The following CD38 variants were observed in gnomAD, a reference collection of about 807,000 sequenced individuals.
CD38 encodes the protein CD38 molecule, also known as ADP-ribosyl cyclase/cyclic ADP-ribose hydrolase 1.
A neutral mutation model predicts 36.3 loss-of-function variants in CD38; 31 were observed. The ratio of observed to expected loss-of-function variants is 0.85; its 90% CI spans 0.64 to 1.15. CD38 has a LOEUF of 1.15. Ranked by LOEUF, CD38 falls within the 50% of genes most tolerant of loss-of-function variation. The pLI, the probability that CD38 is intolerant of heterozygous loss-of-function variation, is 0.00. For synonymous variants in CD38, 131 were observed against 135.2 expected, an observed-to-expected ratio of 0.97 and a Z score of 0.22; for missense variants, 380 against 371.9, an observed-to-expected ratio of 1.02 and a Z score of -0.18.
intron 1 of CD38, among the ~76,000 whole-genome samples, chr4:15,785,337 G>A (rs1297681147): frequency 1.3e-5 from 2 of 152,138 alleles, no homozygotes; most frequent in Non-Finnish European, 2.9e-5. Context: ...TGGATGAAAA[G>A]GCTCAGTGGG....
At chr4:15,807,817 T>G (rs924906521) in intron 1 of CD38, among the ~76,000 whole-genome samples, 5 of 152,208 alleles carry the variant, frequency 3.3e-5, no homozygotes, top group Non-Finnish European at 5.9e-5. Context: ...TGTCCTTGAT[T>G]AAAGGATTAT....
rs34989864 is a variant in CD38, at chr4:15,785,539, C to CT, written c.233+6903dup. On this transcript the variant is annotated intron_variant, in intron 1 of 7. Coordinates refer to ENST00000226279, the MANE Select transcript of CD38 (RefSeq NM_001775.4). ...GTTCAGCCTGGAGAACGTTCCTTTT[C>CT]TTTTTTTTTTTATCACAATAAACAC... Among the ~76,000 whole-genome samples, 617 of 147,838 alleles carry CT rather than the reference C, an allele frequency of 4.2e-3. 4 individuals are homozygous for CT. Among genetic ancestry groups the CT allele is most frequent in the East Asian group, 0.019 (94 of 5,040 alleles).
intron 7 of CD38, among the ~76,000 whole-genome samples, chr4:15,848,053 A>C (rs1724301173): frequency 6.6e-6 from 1 of 152,098 alleles, no homozygotes; most frequent in South Asian, 2.1e-4. Flanking sequence ...AGCAAAATCA[A>C]ATTTAAAGAA....
At chr4:15,837,461 A>G (rs1255782392) in intron 4 of CD38, among the ~76,000 whole-genome samples, 2 of 152,190 alleles carry the variant, frequency 1.3e-5, no homozygotes, top group African/African-American at 4.8e-5. Context: ...GACTTGAGCT[A>G]GTCCCAGGGG....
At chr4:15,786,712 C>T (rs1167353546) in intron 1 of CD38, among the ~76,000 whole-genome samples, 6 of 152,248 alleles carry the variant, frequency 3.9e-5, no homozygotes, top group African/African-American at 1.4e-4. Flanking sequence ...GAGCTGCCTG[C>T]CAGTCACCTG....
intron 3 of CD38, among the ~76,000 whole-genome samples, chr4:15,826,753 A>G (rs1723859852): frequency 6.9e-6 from 1 of 145,236 alleles, no homozygotes; most frequent in Non-Finnish European, 1.5e-5. Context: ...TTTACACTAA[A>G]AAAAGAAAAA....
chr4:15,817,579 C>T (rs142621940), intron 2 of CD38, among the ~76,000 whole-genome samples: 504 of 152,248 alleles, frequency 3.3e-3, no homozygotes, highest in Non-Finnish European at 5.1e-3. Flanking sequence ...CCCTAGCACC[C>T]CATTAGTTTA....
intron 1 of CD38, among the ~76,000 whole-genome samples, chr4:15,783,923 G>A (rs1281778478): frequency 1.3e-5 from 2 of 152,182 alleles, no homozygotes; most frequent in Non-Finnish European, 2.9e-5. Flanking sequence ...GCAAATTTAT[G>A]CAAACACTTA....
chr4:15,786,988 C>T (rs1436669099), intron 1 of CD38, among the ~76,000 whole-genome samples: 1 of 152,242 alleles, frequency 6.6e-6, no homozygotes, highest in Non-Finnish European at 1.5e-5. Context: ...GTGCTAAGCC[C>T]TTCACTGTCC....
intron 4 of CD38, among the ~76,000 whole-genome samples, chr4:15,837,366 G>C (rs1724091672): frequency 6.6e-6 from 1 of 151,510 alleles, no homozygotes; most frequent in Non-Finnish European, 1.5e-5. Flanking sequence ...TTTAATTTTT[G>C]TGGGTAGGTT....
At chr4:15,830,778 G>A (rs550963667) in intron 3 of CD38, among the ~76,000 whole-genome samples, 32 of 151,954 alleles carry the variant, frequency 2.1e-4, no homozygotes, top group Non-Finnish European at 3.4e-4. Context: ...TTTTATTTTT[G>A]TATGTGATTT....
intron 1 of CD38, among the ~76,000 whole-genome samples, chr4:15,816,195 T>C (rs945079506): frequency 4.6e-5 from 7 of 152,328 alleles, no homozygotes; most frequent in Admixed American, 2.0e-4. Flanking sequence ...TTTGCATCGA[T>C]GTTCATCAGG....
intron 1 of CD38, among the ~76,000 whole-genome samples, chr4:15,790,351 T>C (rs1455021808): frequency 1.2e-4 from 18 of 152,146 alleles, no homozygotes; most frequent in Non-Finnish European, 1.5e-5. Flanking sequence ...TTTCGTTTTT[T>C]TTTTTTGGTG....
intron 1 of CD38, among the ~76,000 whole-genome samples, chr4:15,786,320 A>G (rs1375593410): frequency 1.3e-5 from 2 of 152,260 alleles, no homozygotes; most frequent in African/African-American, 4.8e-5. Context: ...TTTTACAGAG[A>G]GCTGATTGGT....
At chr4:15,827,621 A>G (rs1420862331) in intron 3 of CD38, among the ~76,000 whole-genome samples, 1 of 151,998 alleles carries the variant, frequency 6.6e-6, no homozygotes, top group Admixed American at 6.6e-5. Flanking sequence ...CATTCATTTA[A>G]CATTTAGCTT....
rs139513331 is a variant in CD38 at position 15,778,467 on chromosome 4, T to G, written c.53T>G (p.Leu18Arg). ...PVSGDKPCCR[L>R]SRRAQLCLGV... is the part of the protein sequence containing the mutation. ...TCCGGGGACAAACCCTGCTGCCGGC[T>G]CTCTAGGAGAGCCCAACTCTGTCTT... Residue 18 changes from leucine (L) to arginine (R), a missense_variant, in exon 1 of 8, where the codon CTC becomes CGC. Leu to Arg is a moderately radical substitution (Grantham distance 102). Coordinates refer to ENST00000226279, the MANE Select transcript of CD38 (RefSeq NM_001775.4). This position sits in a 1 kb window ranked among gnomAD's most constrained non-coding sequence, Gnocchi z 4.9. 2.1e-4 allele frequency: 331 copies of G among 1,613,326 alleles called. No homozygotes were observed. The highest frequency in any genetic ancestry group is 2.7e-4 in the Non-Finnish European group (316 of 1,179,948).
At chr4:15,782,600 G>A (rs28411870) in intron 1 of CD38, among the ~76,000 whole-genome samples, 4,195 of 152,004 alleles carry the variant, frequency 0.028, 134 homozygotes, top group African/African-American at 0.074. Context: ...TATAAGCCAG[G>A]GTATTAAAAA....
intron 1 of CD38, among the ~76,000 whole-genome samples, chr4:15,788,468 CAT>C (rs1379272469): frequency 2.6e-5 from 4 of 151,752 alleles, no homozygotes; most frequent in African/African-American, 4.8e-5. Flanking sequence ...AAGTGACTGA[CAT>C]ATGAGCGCAG....
chr4:15,799,445 G>A (rs1411114185), intron 1 of CD38, among the ~76,000 whole-genome samples: 5 of 152,002 alleles, frequency 3.3e-5, no homozygotes, highest in African/African-American at 1.2e-4. Flanking sequence ...TTTCTGTTAC[G>A]GGAGATAAAT....
Sources: allele counts gnomAD v4.1 joint callset (sites outside exome capture counted in the v4.1 genomes callset), GRCh38; gene constraint gnomAD v4.1.1; non-coding constraint Gnocchi (gnomAD v3.1); transcripts MANE v1.5; gene names NCBI Gene and HGNC (gene_info 2026-07-23, HGNC 2026-07-21).